Variants in RHOBTB3 observed in about 807,000 individuals in gnomAD.
RHOBTB3 encodes the protein rho-related BTB domain-containing protein 3.
In RHOBTB3, 47 loss-of-function variants were observed where a neutral mutation model predicts 67.2. The ratio of observed to expected loss-of-function variants is 0.70; its 90% CI spans 0.55 to 0.89. The LOEUF (loss-of-function observed/expected upper bound fraction) is 0.89. Among genes scored for constraint, RHOBTB3 ranks in the 40% least tolerant of loss-of-function variants. RHOBTB3 has a pLI of 0.00. For missense variants in RHOBTB3, 631 were observed against 750.0 expected (o/e 0.84, Z 1.85); for synonymous variants, 273 against 274.2 (o/e 1.00, Z 0.04).
At chr5:95,770,951 T>G (rs1745692516) in intron 8 of RHOBTB3, among the ~76,000 whole-genome samples, 1 of 152,244 alleles carries the variant, frequency 6.6e-6, no homozygotes, top group Non-Finnish European at 1.5e-5. Flanking sequence ...AAAAACATTT[T>G]TACATTCCTG....
intron 4 of RHOBTB3, among the ~76,000 whole-genome samples, chr5:95,750,796 TC>T (rs1232276102): frequency 6.6e-6 from 1 of 152,144 alleles, no homozygotes; most frequent in Non-Finnish European, 1.5e-5. Context: ...AGCTTTGATG[TC>T]CACTTGTGTG....
At chr5:95,766,333 T>C (rs1745541656) in intron 7 of RHOBTB3, among the ~76,000 whole-genome samples, 1 of 151,806 alleles carries the variant, frequency 6.6e-6, no homozygotes, top group South Asian at 2.1e-4. Context: ...AGGATTAGCA[T>C]TCTGACCAGG....
intron 3 of RHOBTB3, among the ~76,000 whole-genome samples, chr5:95,743,643 C>G (rs1329012087): frequency 1.3e-5 from 2 of 150,904 alleles, no homozygotes; most frequent in African/African-American, 2.4e-5. Context: ...CTCCCTCCCT[C>G]TCTTTCTCCT....
At chr5:95,722,713 C>G (rs1023273949) in intron 1 of RHOBTB3, among the ~76,000 whole-genome samples, 1 of 152,198 alleles carries the variant, frequency 6.6e-6, no homozygotes, top group Non-Finnish European at 1.5e-5. Flanking sequence ...TGGTCTTGAA[C>G]TCCTGTTGAT....
At chr5:95,784,746 A>G (rs965201795) in intron 10 of RHOBTB3, among the ~76,000 whole-genome samples, 4 of 152,222 alleles carry the variant, frequency 2.6e-5, no homozygotes. Context: ...GCTCACAGTC[A>G]AAAACCTGCC....
chr5:95,731,936 C>G lies in RHOBTB3; in HGVS notation c.80C>G (p.Thr27Ser), dbSNP rs1755280622. 1 of 1,614,054 alleles carries G rather than the reference C, an allele frequency of 6.2e-7. No homozygotes were observed. Among genetic ancestry groups the G allele is most frequent in the African/African-American group, 1.3e-5 (1 of 74,936 alleles). ...QDNRPSGLIR[T>S]YLGRSPLVSG... Reference sequence around the variant, plus strand: ...AACCGGCCGTCGGGGCTTATCCGCACTTACCTGGGGAGAAGCCCTCTGGTC... The same window carrying G: ...AACCGGCCGTCGGGGCTTATCCGCAGTTACCTGGGGAGAAGCCCTCTGGTC... Residue 27 changes from threonine (T) to serine (S), a missense_variant, in exon 2 of 12, where the codon ACT becomes AGT. Physicochemically the swap from Thr to Ser is moderately conservative, Grantham distance 58. Transcript: ENST00000379982.
Position 95,768,156 on chromosome 5 carries a change from C to T in RHOBTB3, c.1272C>T (p.Phe424=), listed in dbSNP as rs199725974. The change falls in exon 8 of 12, where the codon TTC becomes TTT. Residue 424 remains phenylalanine, a synonymous_variant. Transcript: ENST00000379982. ...LNKPMLADVV[F]EIQGTTVPAH... ...AGCCGATGCTTGCCGATGTTGTCTTCGAAATTCAAGGTACGGATCAACTTT... is the reference window on the plus strand; with the variant it reads ...AGCCGATGCTTGCCGATGTTGTCTTTGAAATTCAAGGTACGGATCAACTTT... 3.7e-6 allele frequency: 6 copies of T among 1,611,460 alleles called. No individual in the cohort carries two copies. Among genetic ancestry groups the T allele is most frequent in the East Asian group, 2.2e-5 (1 of 44,864 alleles).
At chr5:95,729,247 T>C (rs552084687), upstream of RHOBTB3, among the ~76,000 whole-genome samples, 1 of 152,326 alleles carries the variant, frequency 6.6e-6, no homozygotes, top group South Asian at 2.1e-4. Context: ...GAACTCTCTT[T>C]TGGAGTCAGG....
Position 95,731,693 on chromosome 5 carries a change from G to A in RHOBTB3, c.2+9G>A, listed in dbSNP as rs1228356153. The A allele has an allele frequency of 5.0e-6, 8 of 1,613,182 alleles. No individual in the cohort carries two copies. The African/African-American group carries it at 1.1e-4, about 22-fold the overall frequency. ...CTTGGATTTGAGATCATGTACGTAC[G>A]CGCCGCCGTCCTGCCATTGTCTCTC... On this transcript the variant is annotated intron_variant, in intron 1 of 11. Transcript: ENST00000379982.
upstream of RHOBTB3, chr5:95,731,229 G>C (rs1014771009): frequency 1.0e-6 from 1 of 1,003,720 alleles, no homozygotes; most frequent in Non-Finnish European, 1.2e-6. Context: ...GCATCCGCCC[G>C]ACCCCCGGGG....
rs147648012 is a variant in RHOBTB3, at chr5:95,763,909, A to G, written c.1161+289A>G. 1.7e-3 allele frequency among the ~76,000 whole-genome samples: 252 copies of G among 152,048 alleles called. 1 individual carries two copies. Among genetic ancestry groups the G allele is most frequent in the East Asian group, 0.013 (68 of 5,180 alleles). On this transcript the variant is annotated intron_variant, in intron 7 of 11. Coordinates refer to ENST00000379982, the MANE Select transcript of RHOBTB3 (RefSeq NM_014899.4). ...CTGCAGCCTCCACCTCCTGGGCTCAAGTGATATCTCCCACCTCAGCCTCCC... is the reference window on the plus strand; with the variant it reads ...CTGCAGCCTCCACCTCCTGGGCTCAGGTGATATCTCCCACCTCAGCCTCCC...
chr5:95,783,977 T>TG lies in RHOBTB3; in HGVS notation c.1623+15dup, dbSNP rs1440774687. On this transcript the variant is annotated intron_variant, in intron 10 of 11. Coordinates refer to ENST00000379982, the MANE Select transcript of RHOBTB3 (RefSeq NM_014899.4). ...AAAAAGGCCAAGGTAATTGACTCTG[T>TG]GTATCTGATAGCCTAGTTTTTTATA... is the stretch of plus-strand genomic sequence containing the variant. 2 of 1,570,740 alleles carry TG rather than the reference T, an allele frequency of 1.3e-6. No homozygotes were observed. Among genetic ancestry groups the TG allele is most frequent in the East Asian group, 2.3e-5 (1 of 44,122 alleles).
At chr5:95,746,351 C>T (rs1405140981) in intron 3 of RHOBTB3, among the ~76,000 whole-genome samples, 4 of 152,022 alleles carry the variant, frequency 2.6e-5, no homozygotes, top group African/African-American at 9.7e-5. Flanking sequence ...GATCTGGCTA[C>T]CCACTCCATT....
rs567404027 is a variant in RHOBTB3, at chr5:95,772,407, A to G, written c.1282+4241A>G. Among the ~76,000 whole-genome samples, 10 of 152,232 alleles carry G rather than the reference A, an allele frequency of 6.6e-5. No homozygotes were observed. In the East Asian group the frequency reaches 9.7e-4, roughly 15 times the overall value. ...ACCAGTCTCTTAACATTTGCACAGTATTTGATACAAATTAGGTACAGCATA... is the reference window on the plus strand; with the variant it reads ...ACCAGTCTCTTAACATTTGCACAGTGTTTGATACAAATTAGGTACAGCATA... On this transcript the variant is annotated intron_variant, in intron 8 of 11. Transcript: ENST00000379982.
Position 95,780,265 on chromosome 5 carries a change from A to G in RHOBTB3, c.1296A>G (p.Pro432=). The change falls in exon 9 of 12, where the codon CCA becomes CCG. Residue 432 remains proline (P), a synonymous_variant. Transcript: ENST00000379982. Reference sequence around the variant, plus strand: ...TGAACCTTTCAGGTACGACAGTGCCAGCCCACAGGGCCATCCTGGTGGCCC... The same window carrying G: ...TGAACCTTTCAGGTACGACAGTGCCGGCCCACAGGGCCATCCTGGTGGCCC... The part of the protein sequence containing the change: ...VVFEIQGTTV[P]AHRAILVARC... 1 of 1,613,910 alleles carries G rather than the reference A, an allele frequency of 6.2e-7. No homozygotes were observed. The highest frequency in any genetic ancestry group is 1.3e-5 in the African/African-American group (1 of 75,052).
At chr5:95,783,413 C>T (rs900095910) in intron 9 of RHOBTB3, among the ~76,000 whole-genome samples, 7 of 151,590 alleles carry the variant, frequency 4.6e-5, no homozygotes, top group Non-Finnish European at 1.0e-4. Context: ...TGAGCCACTG[C>T]GCCGGCCCTT....
intron 8 of RHOBTB3, chr5:95,768,941 G>A (rs1019014150): frequency 5.6e-6 from 1 of 177,962 alleles, no homozygotes; most frequent in African/African-American, 2.4e-5. Flanking sequence ...CTTGCATTCT[G>A]TCCCTCACTG....
chr5:95,750,579 A>G (rs953860713), intron 4 of RHOBTB3, among the ~76,000 whole-genome samples: 11 of 152,244 alleles, frequency 7.2e-5, no homozygotes, highest in South Asian at 4.1e-4. Flanking sequence ...AGAAAGGTCT[A>G]TGGAATAGTG....
intron 3 of RHOBTB3, among the ~76,000 whole-genome samples, chr5:95,746,628 T>TTC (rs1486126392): frequency 6.6e-6 from 1 of 152,180 alleles, no homozygotes; most frequent in East Asian, 1.9e-4. Flanking sequence ...GAATCAGTAA[T>TTC]TCTCTACTAA....
Sources: allele counts gnomAD v4.1 joint callset (sites outside exome capture counted in the v4.1 genomes callset), GRCh38; gene constraint gnomAD v4.1.1; transcripts MANE v1.5; gene names NCBI Gene and HGNC (gene_info 2026-07-23, HGNC 2026-07-21).